Variants in TLCD3B observed in about 807,000 individuals in gnomAD.
The protein encoded by TLCD3B is ceramide synthase.
A neutral mutation model predicts 23.0 loss-of-function variants in TLCD3B; 9 were observed. The ratio of observed to expected loss-of-function variants is 0.39; its 90% CI spans 0.24 to 0.68. The LOEUF (loss-of-function observed/expected upper bound fraction) is 0.68. Among genes scored for constraint, TLCD3B ranks in the 30% least tolerant of loss-of-function variants. TLCD3B has a pLI of 0.44. For missense variants in TLCD3B, 307 were observed against 371.8 expected, an observed-to-expected ratio of 0.83 and a Z score of 1.43; for synonymous variants, 161 against 161.0, an observed-to-expected ratio of 1.00 and a Z score of 0.00.
chr16:30,025,741 G>C lies in TLCD3B; in HGVS notation c.525C>G (p.Gly175=). The change falls in exon 4 of 5, where the codon GGC becomes GGG. Residue 175 remains glycine (G), a synonymous_variant. Transcript: ENST00000380495. The surrounding 1 kb of genome is among the most constrained non-coding windows in gnomAD (Gnocchi z 4.1). ...AEVSTPFVCL[G]KILIQYKQQH... ...GCTCACTCACCTGGATGAGGATCTT[G>C]CCAAGGCAGACGAAGGGCGTGCTGA... 2 of 1,614,128 alleles carry C rather than the reference G, an allele frequency of 1.2e-6. No individual in the cohort carries two copies. Among genetic ancestry groups the C allele is most frequent in the Non-Finnish European group, 1.7e-6 (2 of 1,180,016 alleles).
intron 2 of TLCD3B, chr16:30,027,737 C>T: frequency 4.5e-6 from 2 of 446,372 alleles, no homozygotes; most frequent in Non-Finnish European, 9.1e-6. Flanking sequence ...GGAGTCAGCA[C>T]ATTGGCAGTT....
At chr16:30,035,893 G>A (rs538824145), upstream of TLCD3B, among the ~76,000 whole-genome samples, 5 of 151,874 alleles carry the variant, frequency 3.3e-5, 1 homozygote, top group East Asian at 7.7e-4. Flanking sequence ...CTCCTGAGTA[G>A]CTGGGATTAC....
In TLCD3B at chr16:30,025,686, C is replaced by T; in HGVS notation, c.540+40G>A. On this transcript the variant is annotated intron_variant, in intron 4 of 4. Coordinates refer to ENST00000380495, the MANE Select transcript of TLCD3B (RefSeq NM_031478.6). The surrounding 1 kb of genome is among the most constrained non-coding windows in gnomAD (Gnocchi z 4.1). ...TTGAAGGTCCCTCCCCTTCCTGTGACCTCCCCATTGGGCTCCTGCACCCTC... is the reference window on the plus strand; with the variant it reads ...TTGAAGGTCCCTCCCCTTCCTGTGATCTCCCCATTGGGCTCCTGCACCCTC... 6.3e-7 allele frequency: 1 copy of T among 1,597,934 alleles called. No individual in the cohort carries two copies. The highest frequency in any genetic ancestry group is 1.1e-5 in the South Asian group (1 of 90,740).
rs1475790096 is a variant in TLCD3B, at chr16:30,048,378, T to C, written c.-293-1991A>G. Among the ~76,000 whole-genome samples the C allele has an allele frequency of 3.9e-5, 6 of 152,064 alleles. No individual in the cohort carries two copies. The East Asian group carries it at 9.6e-4, about 24-fold the overall frequency. On this transcript the variant is annotated intron_variant, in intron 1 of 6. Coordinates refer to the TLCD3B transcript ENST00000561666. ...CTTTCACCTCAGCTTCCCAAAGTGC[T>C]GGGGGATTGCAGGCATGAACCACTG...
intron 2 of TLCD3B, among the ~76,000 whole-genome samples, chr16:30,028,914 C>T (rs910859244): frequency 1.3e-5 from 2 of 152,240 alleles, no homozygotes; most frequent in African/African-American, 4.8e-5. Context: ...ACTGCAGCAG[C>T]TGCCTGGCCA....
chr16:30,032,911 A>G (rs2071396326), upstream of TLCD3B: 1 of 152,000 alleles, frequency 6.6e-6, no homozygotes, highest in Non-Finnish European at 1.5e-5. Flanking sequence ...GCCTCCCAAC[A>G]TGCTGATATT....
chr16:30,045,737 TTG>T (rs141468225), intron 2 of TLCD3B, among the ~76,000 whole-genome samples: 1 of 149,306 alleles, frequency 6.7e-6, no homozygotes, highest in Non-Finnish European at 1.5e-5. Context: ...TGGTGTGTGT[TTG>T]TGTGTGTGTG....
At chr16:30,035,214 C>A (rs573455147), upstream of TLCD3B, 12 of 1,003,498 alleles carry the variant, frequency 1.2e-5, no homozygotes, top group Non-Finnish European at 1.6e-5. Flanking sequence ...GCCCAGCCTG[C>A]TGGTGTCTTT....
At chr16:30,052,871 C>T (rs966511388) in exon 1 of TLCD3B, 4 of 152,130 alleles carry the variant, frequency 2.6e-5, no homozygotes, top group Admixed American at 2.0e-4. Flanking sequence ...GGGTTCAATC[C>T]TCCTGTGGCG....
rs373427992 is a variant in TLCD3B, at chr16:30,050,569, C to T, written c.-294+2205G>A. 9.7e-4 allele frequency among the ~76,000 whole-genome samples: 148 copies of T among 152,172 alleles called. 5 individuals are homozygous for T. The South Asian group carries it at 0.029, about 30-fold the overall frequency. On this transcript the variant is annotated intron_variant, in intron 1 of 6. Coordinates refer to the TLCD3B transcript ENST00000561666. ...AAAAAACAAAAACAAAAACAAAAAC[C>T]GGAAGACAGCCTAAGAAGACAATCT... is the stretch of plus-strand genomic sequence containing the variant.
At chr16:30,044,931 A>AAAATAT (rs1473724308) in intron 2 of TLCD3B, among the ~76,000 whole-genome samples, 1 of 151,684 alleles carries the variant, frequency 6.6e-6, no homozygotes, top group African/African-American at 2.4e-5. Context: ...CATCTCTACT[A>AAAATAT]AAAATATAAA....
chr16:30,028,084 GCGAAGCGGGAACA>G (rs1179589208), intron 2 of TLCD3B, among the ~76,000 whole-genome samples: 3 of 152,224 alleles, frequency 2.0e-5, no homozygotes, highest in African/African-American at 7.2e-5. Context: ...TGTAGAGAAC[GCGAAGCGGGAACA>G]CAGGGAGAGA....
chr16:30,044,953 C>T (rs1174773024), intron 2 of TLCD3B, among the ~76,000 whole-genome samples: 7 of 151,546 alleles, frequency 4.6e-5, no homozygotes, highest in Non-Finnish European at 1.0e-4. Context: ...ATTAGCCGGG[C>T]GTGGTGGCAT....
At chr16:30,030,134 G>A in intron 1 of TLCD3B, 1 of 1,477,934 alleles carries the variant, frequency 6.8e-7, no homozygotes, top group Non-Finnish European at 9.1e-7. Flanking sequence ...CCGCATGCTG[G>A]CCCTGTTTTG....
intron 2 of TLCD3B, among the ~76,000 whole-genome samples, chr16:30,042,831 G>A (rs1489826166): frequency 6.6e-6 from 1 of 152,062 alleles, no homozygotes; most frequent in African/African-American, 2.4e-5. Flanking sequence ...AGGCACAGTG[G>A]CTCACACCTG....
intron 3 of TLCD3B, among the ~76,000 whole-genome samples, chr16:30,040,668 A>T (rs574607286): frequency 2.6e-5 from 4 of 151,332 alleles, no homozygotes; most frequent in East Asian, 3.9e-4. Flanking sequence ...CTTTTTTTTT[A>T]AATTTGAGAC....
intron 2 of TLCD3B, among the ~76,000 whole-genome samples, chr16:30,043,784 A>C (rs2071614047): frequency 6.7e-6 from 1 of 149,546 alleles, no homozygotes; most frequent in Admixed American, 6.6e-5. Context: ...GCCAGGCTCA[A>C]GTGATCCTCC....
Position 30,025,245 on chromosome 16 carries a change from C to T in TLCD3B, c.763G>A (p.Gly255Arg). ...QLYWFFLICRGACRLFWPRSR... is the reference protein window; with the variant it reads ...QLYWFFLICRRACRLFWPRSR... ...CGGGGCCAGAAGAGGCGGCAGGCCC[C>T]ACGGCAGATGAGGAAGAACCAGTAG... Residue 255 changes from glycine (G) to arginine (R), a missense_variant, in exon 5 of 5, where the codon GGG (glycine) becomes AGG (arginine). Gly to Arg is a moderately radical substitution (Grantham distance 125). Coordinates refer to ENST00000380495, the MANE Select transcript of TLCD3B (RefSeq NM_031478.6). This position sits in a 1 kb window ranked among gnomAD's most constrained non-coding sequence, Gnocchi z 4.1. 3 of 1,533,196 alleles carry T rather than the reference C, an allele frequency of 2.0e-6. No homozygotes were observed. The highest frequency in any genetic ancestry group is 1.8e-6 in the Non-Finnish European group (2 of 1,140,922). The allele number at this position is 1,533,196 out of a possible 1,614,324, so 95.0% of individuals were successfully genotyped here. A position where few individuals can be genotyped will look rare whatever the true frequency, so the allele number is the denominator to read the frequency against.
upstream of TLCD3B, among the ~76,000 whole-genome samples, chr16:30,034,855 A>G (rs2071436405): frequency 6.6e-6 from 1 of 152,076 alleles, no homozygotes; most frequent in Non-Finnish European, 1.5e-5. Flanking sequence ...AGGGATCTGA[A>G]GTTCAGAGAA....
Sources: gnomAD v4.1 joint callset for allele counts (sites outside exome capture counted in the v4.1 genomes callset) on GRCh38, gnomAD v4.1.1 for gene constraint, Gnocchi (gnomAD v3.1) non-coding constraint, MANE v1.5 for transcripts, NCBI Gene and HGNC (gene_info 2026-07-23, HGNC 2026-07-21) for gene names.